Variants in TENM3 observed in about 807,000 individuals in gnomAD.
TENM3 encodes the protein teneurin-3.
TENM3 carries 63 observed loss-of-function variants against 255.1 expected under a neutral mutation model. The ratio of observed to expected loss-of-function variants is 0.25; its 90% CI spans 0.20 to 0.30. The LOEUF (loss-of-function observed/expected upper bound fraction) is 0.30, where lower values mean the gene tolerates loss of function less well. Ranked by LOEUF, TENM3 falls within the 10% of genes least tolerant of loss-of-function variation. The pLI is 1.00. For synonymous variants in TENM3, 1,306 were observed against 1,322.3 expected, an observed-to-expected ratio of 0.99 and a Z score of 0.27; for missense variants, 2,929 against 3,461.1, an observed-to-expected ratio of 0.85 and a Z score of 3.86.
At chr4:181,914,948 T>C in the TENM3 span, among the ~76,000 whole-genome samples, 2 of 152,194 alleles carry the variant, frequency 1.3e-5, no homozygotes, top group Admixed American at 6.5e-5. Flanking sequence ...CCTTGTGACC[T>C]GTCCATTTAC....
intron 3 of TENM3, among the ~76,000 whole-genome samples, chr4:182,504,711 T>G (rs1736645527): frequency 6.6e-6 from 1 of 152,256 alleles, no homozygotes; most frequent in Admixed American, 6.5e-5. Flanking sequence ...CTGTTTGCTA[T>G]TTTTGGCATG....
At chr4:181,643,520 T>A in the TENM3 span, among the ~76,000 whole-genome samples, 1 of 152,120 alleles carries the variant, frequency 6.6e-6, no homozygotes, top group Admixed American at 6.5e-5. Flanking sequence ...AGAGTGTTAC[T>A]TTTTTTGAAC....
intron 12 of TENM3, chr4:182,697,997 G>C (rs545700121): frequency 4.6e-5 from 7 of 152,034 alleles, no homozygotes; most frequent in African/African-American, 1.2e-4. Flanking sequence ...TTTCGTATTT[G>C]CTTGTCTTTA....
intron 3 of TENM3, among the ~76,000 whole-genome samples, chr4:182,397,425 A>G (rs1212580116): frequency 8.2e-6 from 1 of 122,444 alleles, no homozygotes; most frequent in Non-Finnish European, 1.8e-5. Flanking sequence ...AAAAAAAAAA[A>G]AAAATCAAAC....
the TENM3 span, among the ~76,000 whole-genome samples, chr4:181,806,016 A>T: frequency 6.6e-6 from 1 of 152,190 alleles, no homozygotes; most frequent in Non-Finnish European, 1.5e-5. Flanking sequence ...GAACATTACA[A>T]ACCTGCAGTA....
chr4:182,042,064 A>G, the TENM3 span, among the ~76,000 whole-genome samples: 1 of 152,014 alleles, frequency 6.6e-6, no homozygotes, highest in Admixed American at 6.6e-5. Context: ...TGGATTATAG[A>G]GTGTGTATGG....
chr4:182,540,360 C>T (rs143512910), intron 3 of TENM3, among the ~76,000 whole-genome samples: 2,854 of 152,202 alleles, frequency 0.019, 72 homozygotes, highest in East Asian at 0.044. Context: ...GAGGCCGAGG[C>T]GGGCGGATCA....
At chr4:181,585,187 T>C in the TENM3 span, among the ~76,000 whole-genome samples, 2 of 152,082 alleles carry the variant, frequency 1.3e-5, no homozygotes, top group Non-Finnish European at 2.9e-5. Flanking sequence ...TTAGGAGCCA[T>C]GGAGCACCTT....
chr4:181,687,679 T>A, the TENM3 span, among the ~76,000 whole-genome samples: 1 of 152,110 alleles, frequency 6.6e-6, no homozygotes, highest in African/African-American at 2.4e-5. Context: ...CTGCCCTGAA[T>A]TATTTCGTAT....
chr4:181,653,881 A>G, the TENM3 span, among the ~76,000 whole-genome samples: 1 of 151,602 alleles, frequency 6.6e-6, no homozygotes, highest in African/African-American at 2.4e-5. Context: ...ACCCAGCAAC[A>G]GACCCCGGTG....
the TENM3 span, among the ~76,000 whole-genome samples, chr4:181,451,281 T>C: frequency 6.6e-6 from 1 of 152,028 alleles, no homozygotes; most frequent in African/African-American, 2.4e-5. Context: ...GGAACCCAGA[T>C]GTCTAGAGCA....
intron 1 of TENM3, among the ~76,000 whole-genome samples, chr4:182,235,765 C>T (rs1435783553): frequency 6.6e-6 from 1 of 152,130 alleles, no homozygotes; most frequent in Non-Finnish European, 1.5e-5. Flanking sequence ...ATACAAAAAC[C>T]CTGGCGTTAG....
At chr4:181,696,172 T>A in the TENM3 span, among the ~76,000 whole-genome samples, 1 of 152,194 alleles carries the variant, frequency 6.6e-6, no homozygotes, top group East Asian at 1.9e-4. Flanking sequence ...CATGAAGAAC[T>A]AATAACTTGA....
intron 3 of TENM3, among the ~76,000 whole-genome samples, chr4:182,514,208 G>A (rs902369421): frequency 2.0e-5 from 3 of 152,150 alleles, no homozygotes; most frequent in Non-Finnish European, 2.9e-5. Flanking sequence ...AATGTTGTGC[G>A]CCTAAATGAA....
chr4:181,598,750 A>T, the TENM3 span, among the ~76,000 whole-genome samples: 3 of 152,144 alleles, frequency 2.0e-5, no homozygotes, highest in African/African-American at 7.2e-5. Context: ...TACAGCTATG[A>T]AATTCTGACC....
In TENM3 at chr4:182,208,854, G is replaced by A. The variant is rs114052618; in HGVS notation, c.-76+64100G>A. On this transcript the variant is annotated intron_variant, in intron 1 of 2. Transcript: ENST00000512480. ...AACCTGTGCTTGCCTCTGTTGCAACGTTGGTTTAGTGGTCAAAGTATATTT... is the reference window on the plus strand; with the variant it reads ...AACCTGTGCTTGCCTCTGTTGCAACATTGGTTTAGTGGTCAAAGTATATTT... 1.8e-3 allele frequency among the ~76,000 whole-genome samples: 272 copies of A among 152,248 alleles called. 1 individual carries two copies. Among genetic ancestry groups the A allele is most frequent in the South Asian group, 3.7e-3 (18 of 4,828 alleles).
chr4:182,066,865 C>T, the TENM3 span, among the ~76,000 whole-genome samples: 3 of 152,102 alleles, frequency 2.0e-5, no homozygotes, highest in South Asian at 2.1e-4. Context: ...GAGCCGAGAT[C>T]GCACCGCTGC....
rs147935695 is a variant in TENM3, at chr4:182,656,123, T to A, written c.1111+2230T>A. Among the ~76,000 whole-genome samples, 610 of 152,312 alleles carry A rather than the reference T, an allele frequency of 4.0e-3. 3 individuals are homozygous for A. Among genetic ancestry groups the A allele is most frequent in the Admixed American group, 6.7e-3 (102 of 15,308 alleles). On this transcript the variant is annotated intron_variant, in intron 6 of 27. Transcript: ENST00000511685. The stretch of plus-strand genomic sequence containing the variant: ...CCTTTAGAGCACCTGTATATACATA[T>A]AAGCGAAGTACTTTCTTCCTAGATG...
At chr4:182,688,864 A>G (rs1211645082) in intron 12 of TENM3, among the ~76,000 whole-genome samples, 1 of 152,184 alleles carries the variant, frequency 6.6e-6, no homozygotes, top group African/African-American at 2.4e-5. Context: ...AATAAAGTAG[A>G]ATCAAATGTA....
Sources: gnomAD v4.1 joint callset for allele counts (sites outside exome capture counted in the v4.1 genomes callset) on GRCh38, gnomAD v4.1.1 for gene constraint, MANE v1.5 for transcripts, NCBI Gene and HGNC (gene_info 2026-07-23, HGNC 2026-07-21) for gene names.